NGEF: variants seen among roughly 807,000 people sequenced by gnomAD.
NGEF encodes neuronal guanine nucleotide exchange factor, also known as ephexin-1.
In NGEF, 31 loss-of-function variants were observed where a neutral mutation model predicts 80.9. That is an observed-to-expected ratio of 0.38 (90% confidence interval 0.29 to 0.52). The LOEUF (loss-of-function observed/expected upper bound fraction) is 0.52, where lower values mean the gene tolerates loss of function less well. NGEF is among the 20% of genes least tolerant of loss of function. The probability of loss-of-function intolerance (pLI) is 0.84; values close to 1 mark genes in which losing one functional copy is unlikely to be tolerated. For missense variants in NGEF, 709 were observed against 926.2 expected (o/e 0.77, Z 3.04); for synonymous variants, 371 against 370.2 (o/e 1.00, Z -0.03).
chr2:232,884,758 C>T (rs1574985258), intron 10 of NGEF, among the ~76,000 whole-genome samples: 1 of 152,236 alleles, frequency 6.6e-6, no homozygotes, highest in Non-Finnish European at 1.5e-5. Flanking sequence ...TCTGCCTCCT[C>T]TAGTGGGGCT....
chr2:233,001,516 G>A (rs995793271), intron 1 of NGEF, among the ~76,000 whole-genome samples: 2 of 152,156 alleles, frequency 1.3e-5, no homozygotes, highest in Non-Finnish European at 2.9e-5. Context: ...CTGGGGCCTT[G>A]GTGGGGGGCA....
intron 3 of NGEF, chr2:232,927,837 G>A (rs1436771837): frequency 8.5e-7 from 1 of 1,170,218 alleles, no homozygotes; most frequent in Non-Finnish European, 1.1e-6. Context: ...GGCGCAAGCT[G>A]GGAAAGAGGC....
At chr2:232,881,881 T>C (rs1407018120) in intron 13 of NGEF, among the ~76,000 whole-genome samples, 1 of 152,210 alleles carries the variant, frequency 6.6e-6, no homozygotes, top group East Asian at 1.9e-4. Flanking sequence ...CTGGCTTTTT[T>C]CTAGTTAAGC....
chr2:233,007,219 G>A (rs1293870300), intron 1 of NGEF, among the ~76,000 whole-genome samples: 1 of 152,168 alleles, frequency 6.6e-6, no homozygotes, highest in Non-Finnish European at 1.5e-5. Flanking sequence ...ACTCCAGCCT[G>A]AGCAACAGAG....
rs947745279 is a variant in NGEF, at chr2:232,959,287, A to G, written c.383+10927T>C. ...TTCCTCTCTCCCCGGTGTTTCCTGT[A>G]AATTCCTGGTTAGAGCTGCAGGCTT... On this transcript the variant is annotated intron_variant, in intron 3 of 14. Transcript: ENST00000264051. 2.0e-5 allele frequency among the ~76,000 whole-genome samples: 3 copies of G among 152,098 alleles called. 1 individual carries two copies. The highest frequency in any genetic ancestry group is 4.8e-5 in the African/African-American group (2 of 41,400).
intron 1 of NGEF, among the ~76,000 whole-genome samples, chr2:233,009,252 C>T (rs79414871): frequency 0.019 from 2,887 of 152,290 alleles, 94 homozygotes; most frequent in African/African-American, 0.066. Flanking sequence ...TTTTAGCTCC[C>T]ACATATGAGT....
At chr2:232,976,017 A>G (rs974403411) in intron 1 of NGEF, among the ~76,000 whole-genome samples, 5 of 152,178 alleles carry the variant, frequency 3.3e-5, no homozygotes, top group African/African-American at 1.2e-4. Context: ...CCTGGCCAAC[A>G]TGGAGAAACC....
At chr2:232,891,961 A>AGCAGGGATG (rs758872255) in intron 7 of NGEF, among the ~76,000 whole-genome samples, 4 of 151,506 alleles carry the variant, frequency 2.6e-5, no homozygotes, top group Admixed American at 6.6e-5. Context: ...CATGCATGTC[A>AGCAGGGATG]GCAGGGATGG....
In NGEF at chr2:232,920,277, C is replaced by T; in HGVS notation, c.828+7G>A. On this transcript the variant is annotated splice_region_variant and intron_variant, in intron 5 of 14. Transcript: ENST00000264051. Reference sequence around the variant, plus strand: ...TGGGGGAGCCCCCGCCCCTCGGCGCCTGTTACCTCCTGCAGCTTAATCTCC... The same window carrying T: ...TGGGGGAGCCCCCGCCCCTCGGCGCTTGTTACCTCCTGCAGCTTAATCTCC... The T allele has an allele frequency of 6.2e-7, 1 of 1,609,908 alleles. No homozygotes were observed. Among genetic ancestry groups the T allele is most frequent in the Non-Finnish European group, 8.5e-7 (1 of 1,177,782 alleles).
intron 9 of NGEF, among the ~76,000 whole-genome samples, chr2:232,886,605 A>C (rs1041801204): frequency 2.4e-5 from 3 of 123,348 alleles, no homozygotes; most frequent in African/African-American, 9.6e-5. Context: ...ATCAGAGAAA[A>C]AATAAACCTT....
intron 10 of NGEF, 199 bp downstream of exon 10, chr2:232,885,081 G>C (rs992929390): frequency 3.4e-6 from 2 of 582,444 alleles, no homozygotes; most frequent in Non-Finnish European, 3.1e-6. Flanking sequence ...AGACAGATCC[G>C]GACCACCGTG....
At chr2:232,897,670 G>C (rs147389247) in intron 5 of NGEF, among the ~76,000 whole-genome samples, 1 of 152,182 alleles carries the variant, frequency 6.6e-6, no homozygotes, top group Non-Finnish European at 1.5e-5. Context: ...TGCAGACCCC[G>C]AACCACCATC....
intron 5 of NGEF, among the ~76,000 whole-genome samples, chr2:232,919,801 C>A (rs74350503): frequency 6.6e-6 from 1 of 152,142 alleles, no homozygotes; most frequent in African/African-American, 2.4e-5. Flanking sequence ...AGCAGATGGG[C>A]AAGCTGAGGG....
chr2:232,939,996 T>TA (rs36064060), intron 3 of NGEF, among the ~76,000 whole-genome samples: 356 of 143,348 alleles, frequency 2.5e-3, no homozygotes, highest in African/African-American at 5.2e-3. Context: ...GACTCCATCT[T>TA]AAAAAAAAAA....
intron 8 of NGEF, among the ~76,000 whole-genome samples, chr2:232,888,727 G>T (rs1372694291): frequency 6.6e-6 from 1 of 152,212 alleles, no homozygotes; most frequent in East Asian, 1.9e-4. Context: ...GGGGGACCAA[G>T]GGCTTCCCTC....
chr2:232,947,060 T>C (rs1020738789), intron 3 of NGEF, among the ~76,000 whole-genome samples: 30 of 152,184 alleles, frequency 2.0e-4, no homozygotes, highest in African/African-American at 6.8e-4. Context: ...TTAAAAGCCA[T>C]GGTTGAAAGG....
chr2:232,937,636 C>T (rs779977801), intron 3 of NGEF, among the ~76,000 whole-genome samples: 3 of 152,172 alleles, frequency 2.0e-5, no homozygotes, highest in Non-Finnish European at 4.4e-5. Context: ...AGCACCAGCA[C>T]TTCTAGGAGG....
chr2:232,917,585 T>G (rs971138014), intron 5 of NGEF, among the ~76,000 whole-genome samples: 1 of 151,998 alleles, frequency 6.6e-6, no homozygotes, highest in Non-Finnish European at 1.5e-5. Context: ...TTCTCCTGTC[T>G]CAGCCTCCCG....
In NGEF at chr2:232,900,251, C is replaced by G. The variant is rs1456194608; in HGVS notation, c.829-5335G>C. On this transcript the variant is annotated intron_variant, in intron 5 of 14. Coordinates refer to ENST00000264051, the MANE Select transcript of NGEF (RefSeq NM_019850.3). ...ATTCACACACACACGCTCTCAGTCACTCATATACACGTTCACTCACATTCA... is the reference window on the plus strand; with the variant it reads ...ATTCACACACACACGCTCTCAGTCAGTCATATACACGTTCACTCACATTCA... 2.1e-5 allele frequency among the ~76,000 whole-genome samples: 3 copies of G among 141,380 alleles called. 1 individual carries two copies. The highest frequency in any genetic ancestry group is 4.6e-5 in the Non-Finnish European group (3 of 65,400). 92.8% of individuals were successfully genotyped at this position (141,380 alleles called of 152,430 possible).
Sources: allele counts gnomAD v4.1 joint callset (sites outside exome capture counted in the v4.1 genomes callset), GRCh38; gene constraint gnomAD v4.1.1; transcripts MANE v1.5; gene names NCBI Gene and HGNC (gene_info 2026-07-23, HGNC 2026-07-21).